NCK1: variants seen among roughly 807,000 people sequenced by gnomAD.
NCK1 encodes SH2/SH3 adapter protein NCK1.
Under a neutral mutation model 36.6 loss-of-function variants are expected in NCK1, and 19 were observed. The ratio of observed to expected loss-of-function variants is 0.52; its 90% CI spans 0.36 to 0.76. The LOEUF (loss-of-function observed/expected upper bound fraction) is 0.76, where lower values mean the gene tolerates loss of function less well. Ranked by LOEUF, NCK1 falls within the 30% of genes least tolerant of loss-of-function variation. The pLI is 0.00. For synonymous variants in NCK1, 165 were observed against 156.0 expected (o/e 1.06, Z -0.43); for missense variants, 358 against 445.6 (o/e 0.80, Z 1.77).
At chr3:136,916,632 G>GT (rs879909328) in intron 1 of NCK1, among the ~76,000 whole-genome samples, 6 of 152,108 alleles carry the variant, frequency 3.9e-5, no homozygotes, top group Non-Finnish European at 7.4e-5. Flanking sequence ...GTTAGTTTGT[G>GT]TATGTTGTTT....
At chr3:136,910,313 T>C (rs963421600) in intron 1 of NCK1, among the ~76,000 whole-genome samples, 4 of 152,198 alleles carry the variant, frequency 2.6e-5, no homozygotes, top group Non-Finnish European at 4.4e-5. Context: ...TTCAGTAACA[T>C]AGAGTAACTT....
chr3:136,950,304 G>A lies in NCK1; in HGVS notation c.*1851G>A, dbSNP rs1345550209. On this transcript the variant is annotated 3_prime_UTR_variant, in exon 4 of 4. Transcript: ENST00000481752. ...AGAACAATTAATGCTTTGCATCACA[G>A]ACATAAACTATTCATAGTAAACTGC... Among the ~76,000 whole-genome samples, 8 of 152,014 alleles carry A rather than the reference G, an allele frequency of 5.3e-5. No individual in the cohort carries two copies. The highest frequency in any genetic ancestry group is 4.4e-5 in the Non-Finnish European group (3 of 67,950).
intron 1 of NCK1, among the ~76,000 whole-genome samples, 168 bp from the exon 2 acceptor site, chr3:136,927,816 G>A (rs1940283173): frequency 1.3e-5 from 2 of 152,322 alleles, no homozygotes; most frequent in East Asian, 1.9e-4. Context: ...ACTGCGCACG[G>A]CCATACAGTC....
chr3:136,919,231 A>G (rs2108119996), intron 1 of NCK1, among the ~76,000 whole-genome samples: 1 of 151,660 alleles, frequency 6.6e-6, no homozygotes, highest in African/African-American at 2.4e-5. Flanking sequence ...TTTTTTCTTG[A>G]GGGGGAGTGA....
intron 2 of NCK1, among the ~76,000 whole-genome samples, chr3:136,937,472 A>G (rs1288705485): frequency 6.6e-6 from 1 of 152,192 alleles, no homozygotes; most frequent in South Asian, 2.1e-4. Flanking sequence ...CTGTGTGAAT[A>G]TTAGAATCAG....
In NCK1 at chr3:136,926,337, C is replaced by T. The variant is rs113119341; in HGVS notation, c.-18-1647C>T. Among the ~76,000 whole-genome samples, 70 of 151,856 alleles carry T rather than the reference C, an allele frequency of 4.6e-4. No individual in the cohort carries two copies. The East Asian group carries it at 7.4e-3, about 16-fold the overall frequency. On this transcript the variant is annotated intron_variant, in intron 1 of 3. Transcript: ENST00000481752. ...CGGCCCAGGCTGGAGTGCAGTGGCG[C>T]GATCTCGGCTCACTGCAAGCCCCGC...
At chr3:136,897,937 A>G (rs1260496661) in intron 1 of NCK1, among the ~76,000 whole-genome samples, 1 of 152,222 alleles carries the variant, frequency 6.6e-6, no homozygotes, top group African/African-American at 2.4e-5. Context: ...GTATTATCTA[A>G]TATCATAATA....
In NCK1 at chr3:136,948,288, A is replaced by G; in HGVS notation, c.969A>G (p.Ala323=). Residue 323 remains alanine, a synonymous_variant, in exon 4 of 4, where the codon GCA becomes GCG. Transcript: ENST00000481752. ...ATGATTTCTCAGTATCACTAAAAGC[A>G]CAAGGGAAAAACAAGCATTTTAAAG... ...SPNDFSVSLK[A]QGKNKHFKVQ... is the part of the protein sequence containing the mutation. 6.2e-7 allele frequency: 1 copy of G among 1,606,230 alleles called. No homozygotes were observed. The highest frequency in any genetic ancestry group is 1.1e-5 in the South Asian group (1 of 88,996).
chr3:136,870,746 T>G (rs1424989578), intron 1 of NCK1, among the ~76,000 whole-genome samples: 1 of 149,812 alleles, frequency 6.7e-6, no homozygotes, highest in Non-Finnish European at 1.5e-5. Context: ...TTTGTCTACG[T>G]CTCACTTCAT....
At chr3:136,867,054 T>TC (rs1560028290) in intron 1 of NCK1, among the ~76,000 whole-genome samples, 68 of 394 alleles carry the variant, frequency 0.17, 1 homozygote, top group Middle Eastern at 0.5. Context: ...TTGCTTTTCT[T>TC]TCTTTCTTTC....
At chr3:136,878,896 A>T (rs1938851991) in intron 1 of NCK1, among the ~76,000 whole-genome samples, 1 of 152,142 alleles carries the variant, frequency 6.6e-6, no homozygotes, top group Admixed American at 6.6e-5. Context: ...CAATATTGAG[A>T]CCGTTACTGA....
intron 1 of NCK1, among the ~76,000 whole-genome samples, chr3:136,913,280 C>T (rs9833022): frequency 0.013 from 1,960 of 152,006 alleles, 29 homozygotes; most frequent in Middle Eastern, 0.031. Flanking sequence ...TTTGTGTGTG[C>T]TTGTTTTTCT....
intron 2 of NCK1, among the ~76,000 whole-genome samples, chr3:136,931,021 C>T (rs1185271271): frequency 6.7e-6 from 1 of 148,932 alleles, no homozygotes; most frequent in Non-Finnish European, 1.5e-5. Flanking sequence ...TTTTTTTTAG[C>T]GGAACAGTGT....
intron 1 of NCK1, among the ~76,000 whole-genome samples, chr3:136,885,852 A>T (rs1235168752): frequency 6.6e-6 from 1 of 152,154 alleles, no homozygotes; most frequent in African/African-American, 2.4e-5. Context: ...TTCATAAGAG[A>T]TATGTTCTTT....
chr3:136,889,747 C>T (rs974520583), intron 1 of NCK1, among the ~76,000 whole-genome samples: 1 of 152,104 alleles, frequency 6.6e-6, no homozygotes, highest in African/African-American at 2.4e-5. Flanking sequence ...TCTCCAAGTC[C>T]CCACCAGAGT....
At position 136,951,417 on chromosome 3, in the gene NCK1, A is replaced by G. The variant is rs1479840174; in HGVS notation, c.*2964A>G. 6.6e-6 allele frequency among the ~76,000 whole-genome samples: 1 copy of G among 152,350 alleles called. No individual in the cohort carries two copies. The highest frequency in any genetic ancestry group is 2.4e-5 in the African/African-American group (1 of 41,596). On this transcript the variant is annotated 3_prime_UTR_variant, in exon 4 of 4. Coordinates refer to ENST00000481752, the MANE Select transcript of NCK1 (RefSeq NM_001291999.2). Reference sequence around the variant, plus strand: ...AAAAATTAATTGCCAACATTTAAAAATCAGGGAGTTTCACATAAAATTCAG... The same window carrying G: ...AAAAATTAATTGCCAACATTTAAAAGTCAGGGAGTTTCACATAAAATTCAG...
intron 2 of NCK1, among the ~76,000 whole-genome samples, chr3:136,932,517 A>T (rs1560051509): frequency 6.6e-6 from 1 of 152,244 alleles, no homozygotes; most frequent in East Asian, 1.9e-4. Flanking sequence ...AAGTGAACAG[A>T]TGGACATATA....
chr3:136,886,696 G>C (rs1055924102), intron 1 of NCK1, among the ~76,000 whole-genome samples: 1 of 152,002 alleles, frequency 6.6e-6, no homozygotes, highest in African/African-American at 2.4e-5. Flanking sequence ...TGAACACAAA[G>C]GAAACTTTCT....
chr3:136,914,414 A>T (rs1441893638), intron 1 of NCK1, among the ~76,000 whole-genome samples: 1 of 152,194 alleles, frequency 6.6e-6, no homozygotes, highest in Non-Finnish European at 1.5e-5. Context: ...ATACTTAAAT[A>T]AGACAGATTA....
Sources: gnomAD v4.1 joint callset for allele counts (sites outside exome capture counted in the v4.1 genomes callset) on GRCh38, gnomAD v4.1.1 for gene constraint, MANE v1.5 for transcripts, NCBI Gene and HGNC (gene_info 2026-07-23, HGNC 2026-07-21) for gene names.